Variants in PPP6R2 observed in about 807,000 individuals in gnomAD.
The protein encoded by PPP6R2 is serine/threonine-protein phosphatase 6 regulatory subunit 2.
Under a neutral mutation model 100.2 loss-of-function variants are expected in PPP6R2, and 62 were observed. The ratio of observed to expected loss-of-function variants is 0.62; its 90% CI spans 0.50 to 0.76. PPP6R2 has a LOEUF of 0.76. PPP6R2 is among the 30% of genes least tolerant of loss of function. The probability of loss-of-function intolerance (pLI) is 0.00; values close to 1 mark genes in which losing one functional copy is unlikely to be tolerated. For missense variants in PPP6R2, 1,142 were observed against 1,276.3 expected (o/e 0.89, Z 1.60); for synonymous variants, 525 against 514.7 (o/e 1.02, Z -0.27).
At chr22:50,335,837 G>A in the PPP6R2 span, among the ~76,000 whole-genome samples, 5 of 142,756 alleles carry the variant, frequency 3.5e-5, 1 homozygote, top group Non-Finnish European at 7.5e-5. Context: ...CACCACGCCC[G>A]ACTAATTTTT....
intron 10 of PPP6R2, among the ~76,000 whole-genome samples, chr22:50,425,059 T>G (rs567586133): frequency 2.5e-4 from 38 of 152,360 alleles, no homozygotes; most frequent in Non-Finnish European, 3.1e-4. Context: ...TGTCACTCAG[T>G]GCATTCACAA....
In PPP6R2 at chr22:50,351,036, T is replaced by G. The variant is rs1215749711; in HGVS notation, c.-148+7486T>G. On this transcript the variant is annotated intron_variant, in intron 1 of 23. Transcript: ENST00000612753. ...GTAGGTCTCAACAGTGTTTTTTTTT[T>G]TTTTTTTTTTTTTTTTTTTTTGAGA... Among the ~76,000 whole-genome samples the G allele has an allele frequency of 3.4e-5, 4 of 117,342 alleles. No homozygotes were observed. The East Asian group carries it at 8.7e-4, about 26-fold the overall frequency. The allele number at this position is 117,342 out of a possible 152,430, so 77.0% of individuals were successfully genotyped here.
chr22:50,332,900 G>T, the PPP6R2 span, among the ~76,000 whole-genome samples: 1 of 152,158 alleles, frequency 6.6e-6, no homozygotes, highest in Non-Finnish European at 1.5e-5. Flanking sequence ...GGGATTACAG[G>T]CCTGAGCCAC....
At chr22:50,353,363 G>T (rs1311743137) in intron 1 of PPP6R2, among the ~76,000 whole-genome samples, 1 of 152,176 alleles carries the variant, frequency 6.6e-6, no homozygotes, top group Non-Finnish European at 1.5e-5. Flanking sequence ...GGAGTAGGGA[G>T]CCCTGAGGAG....
chr22:50,444,086 G>GT lies in PPP6R2; in HGVS notation c.2801dup (p.Ala935GlyfsTer58). The GT allele has an allele frequency of 6.2e-7, 1 of 1,612,848 alleles. No homozygotes were observed. Among genetic ancestry groups the GT allele is most frequent in the Non-Finnish European group, 8.5e-7 (1 of 1,179,326 alleles). ...GGCAGTCACAGCAGCCCCAGCCATG[G>GT]TGGCCACCCTGGGGACAGTGACAAA... On this transcript the variant is annotated frameshift_variant, in exon 23 of 24. Coordinates refer to ENST00000612753, the MANE Select transcript of PPP6R2 (RefSeq NM_001242898.2). LOFTEE classifies it high-confidence loss of function.
chr22:50,339,053 TTATGTGGTGTGGTGTATGTGG>T (rs1306651499), upstream of PPP6R2, among the ~76,000 whole-genome samples: 1,364 of 123,668 alleles, frequency 0.011, 19 homozygotes, highest in East Asian at 0.056. Flanking sequence ...ATGTAGTGTG[TTATGTGGTGTGGTGTATGTGG>T]TATGTGGTGT....
chr22:50,339,213 G>A (rs543195879), upstream of PPP6R2, among the ~76,000 whole-genome samples: 9 of 147,804 alleles, frequency 6.1e-5, no homozygotes, highest in East Asian at 1.9e-3. Context: ...TGTGGTGTGT[G>A]TGTAGGGTGT....
At chr22:50,353,645 G>T (rs1479081400) in intron 1 of PPP6R2, among the ~76,000 whole-genome samples, 2 of 152,104 alleles carry the variant, frequency 1.3e-5, no homozygotes, top group African/African-American at 4.8e-5. Context: ...GTTGCTACCA[G>T]CCTTTAATTT....
chr22:50,333,549 G>T, the PPP6R2 span, among the ~76,000 whole-genome samples: 5 of 152,232 alleles, frequency 3.3e-5, no homozygotes, highest in African/African-American at 1.2e-4. Context: ...AGCCAGGATG[G>T]TCTCGATCTC....
chr22:50,423,004 G>C lies in PPP6R2; in HGVS notation c.973-458G>C, dbSNP rs557065444. 6.6e-6 allele frequency among the ~76,000 whole-genome samples: 1 copy of C among 152,034 alleles called. No individual in the cohort carries two copies. The highest frequency in any genetic ancestry group is 1.5e-5 in the Non-Finnish European group (1 of 68,018). ...AGTGTGGGGGATCAGAAAAGACCGC[G>C]GTCCATCGGAGGAGGCATTCCCGTC... On this transcript the variant is annotated intron_variant, in intron 9 of 23. Transcript: ENST00000612753. This position sits in a 1 kb window ranked among gnomAD's most constrained non-coding sequence, Gnocchi z 4.8.
intron 1 of PPP6R2, among the ~76,000 whole-genome samples, chr22:50,368,991 C>T (rs1438820475): frequency 5.3e-5 from 8 of 152,188 alleles, no homozygotes; most frequent in Admixed American, 6.6e-5. Context: ...GTAATCCCAG[C>T]ACTTTGGGAG....
At chr22:50,420,944 C>T (rs1476844221) in intron 8 of PPP6R2, among the ~76,000 whole-genome samples, 1 of 152,226 alleles carries the variant, frequency 6.6e-6, no homozygotes, top group African/African-American at 2.4e-5. Flanking sequence ...GCCGTAGCTC[C>T]CTTATTTCCA....
chr22:50,353,014 T>C (rs928321087), intron 1 of PPP6R2, among the ~76,000 whole-genome samples: 1 of 152,150 alleles, frequency 6.6e-6, no homozygotes, highest in African/African-American at 2.4e-5. Flanking sequence ...CAGTGAGCTG[T>C]GATGGTGCCA....
In PPP6R2 at chr22:50,438,227, T is replaced by C; in HGVS notation, c.1893T>C (p.Asp631=). The change falls in exon 18 of 24, where the codon GAT becomes GAC. Residue 631 remains aspartate (D), a synonymous_variant. Transcript: ENST00000612753. ...ACCSDRIQPF[D]DDEDEDIWED... ...GCAGTGACCGCATCCAGCCCTTTGA[T>C]GATGATGAGGACGAGGACATCTGGG... The C allele has an allele frequency of 1.2e-6, 2 of 1,613,870 alleles. No homozygotes were observed.
intron 13 of PPP6R2, among the ~76,000 whole-genome samples, chr22:50,435,919 C>T (rs1199858047): frequency 1.3e-5 from 2 of 152,180 alleles, no homozygotes; most frequent in African/African-American, 2.4e-5. Context: ...AGGACTCTGA[C>T]CTCCCCGGAA....
intron 1 of PPP6R2, among the ~76,000 whole-genome samples, chr22:50,369,257 A>G (rs1397643445): frequency 6.6e-6 from 1 of 151,528 alleles, no homozygotes; most frequent in African/African-American, 2.4e-5. Context: ...AAAAGAAAAC[A>G]CATTTCTTTA....
At chr22:50,411,542 C>T (rs1460227730) in intron 4 of PPP6R2, among the ~76,000 whole-genome samples, 2 of 151,836 alleles carry the variant, frequency 1.3e-5, no homozygotes, top group Admixed American at 6.6e-5. Context: ...TATCTGAGGT[C>T]AGGAGTTTGA....
chr22:50,399,234 T>C (rs2057633058), intron 3 of PPP6R2, among the ~76,000 whole-genome samples: 1 of 152,170 alleles, frequency 6.6e-6, no homozygotes, highest in African/African-American at 2.4e-5. Flanking sequence ...GATATAAATA[T>C]ATATGTAGAC....
upstream of PPP6R2, among the ~76,000 whole-genome samples, chr22:50,339,059 GGT>G (rs1463728246): frequency 1.6e-5 from 2 of 124,614 alleles, no homozygotes; most frequent in Non-Finnish European, 3.2e-5. Flanking sequence ...TGTGTTATGT[GGT>G]GTGGTGTATG....
Sources: gnomAD v4.1 joint callset for allele counts (sites outside exome capture counted in the v4.1 genomes callset) on GRCh38, gnomAD v4.1.1 for gene constraint, Gnocchi (gnomAD v3.1) non-coding constraint, MANE v1.5 for transcripts, NCBI Gene and HGNC (gene_info 2026-07-23, HGNC 2026-07-21) for gene names.